ERBB4: variants seen among roughly 807,000 people sequenced by gnomAD.
The protein encoded by ERBB4 is erb-b2 receptor tyrosine kinase 4.
A neutral mutation model predicts 158.0 loss-of-function variants in ERBB4; 42 were observed. The observed-to-expected ratio is 0.27, with a 90% CI of 0.21 to 0.34. The LOEUF (loss-of-function observed/expected upper bound fraction) is 0.34. Ranked by LOEUF, ERBB4 falls within the 10% of genes least tolerant of loss-of-function variation. ERBB4 has a pLI of 1.00. For missense variants in ERBB4, 1,333 were observed against 1,624.1 expected, an observed-to-expected ratio of 0.82 and a Z score of 3.08; for synonymous variants, 583 against 558.7, an observed-to-expected ratio of 1.04 and a Z score of -0.61.
intron 1 of ERBB4, among the ~76,000 whole-genome samples, chr2:212,255,630 A>G (rs2084701434): frequency 6.6e-6 from 1 of 152,118 alleles, no homozygotes; most frequent in Non-Finnish European, 1.5e-5. Context: ...TATTTGCATT[A>G]TATACACTTA....
chr2:212,403,670 C>T (rs2091270108), intron 1 of ERBB4, among the ~76,000 whole-genome samples: 3 of 151,912 alleles, frequency 2.0e-5, no homozygotes, highest in South Asian at 4.1e-4. Context: ...ATATGAGATA[C>T]TAAAGTAATG....
chr2:211,767,096 G>A (rs984982276), intron 4 of ERBB4, among the ~76,000 whole-genome samples: 12 of 152,206 alleles, frequency 7.9e-5, no homozygotes, highest in East Asian at 1.9e-4. Context: ...CTCTGGAGTC[G>A]CTTGCTCAAG....
At chr2:212,364,939 T>G (rs934153640) in intron 1 of ERBB4, among the ~76,000 whole-genome samples, 3 of 148,310 alleles carry the variant, frequency 2.0e-5, no homozygotes, top group African/African-American at 7.5e-5. Flanking sequence ...GTGTGTGTGT[T>G]TATCAGACTG....
intron 2 of ERBB4, among the ~76,000 whole-genome samples, chr2:211,994,899 AG>A (rs147680746): frequency 0.043 from 6,475 of 152,306 alleles, 180 homozygotes; most frequent in Middle Eastern, 0.065. Context: ...GTTGTGCACA[AG>A]AACCTGAACA....
At chr2:211,797,162 T>G (rs1469042445) in intron 3 of ERBB4, among the ~76,000 whole-genome samples, 1 of 151,896 alleles carries the variant, frequency 6.6e-6, no homozygotes, top group African/African-American at 2.4e-5. Context: ...AAAGCCCTCA[T>G]TACAGACAAC....
At chr2:212,203,365 T>C (rs2082643583) in intron 1 of ERBB4, among the ~76,000 whole-genome samples, 1 of 151,970 alleles carries the variant, frequency 6.6e-6, no homozygotes, top group South Asian at 2.1e-4. Flanking sequence ...CCTGCCCTGA[T>C]AAAGAGACAT....
chr2:211,529,301 C>A (rs2066433193), intron 20 of ERBB4, among the ~76,000 whole-genome samples: 1 of 151,682 alleles, frequency 6.6e-6, no homozygotes, highest in African/African-American at 2.4e-5. Context: ...CGAGATTGAA[C>A]CATGAAGAAA....
chr2:211,630,461 CCT>C lies in ERBB4; in HGVS notation c.2078_2079del (p.Glu693ValfsTer24), dbSNP rs2070065942. The C allele has an allele frequency of 6.2e-7, 1 of 1,613,428 alleles. No homozygotes were observed. Among genetic ancestry groups the C allele is most frequent in the Admixed American group, 1.7e-5 (1 of 59,994 alleles). ...ATGAAGAGGAGAAAGAAATACCTCA[CCT>C]CTGTTTCCAAGAATCTTCTCAAGGC... ...KRALRRFLET[E>X]LVEPLTPSGT... On this transcript the variant is annotated frameshift_variant and splice_region_variant, in exon 17 of 28. Transcript: ENST00000342788. LOFTEE classifies it high-confidence loss of function.
chr2:211,928,498 A>C (rs1245409330), intron 3 of ERBB4, among the ~76,000 whole-genome samples: 3 of 152,194 alleles, frequency 2.0e-5, no homozygotes, highest in Non-Finnish European at 2.9e-5. Flanking sequence ...ACAGAGCAAC[A>C]TAAACTCTCC....
At chr2:212,138,287 A>G (rs1336219873) in intron 1 of ERBB4, among the ~76,000 whole-genome samples, 1 of 152,126 alleles carries the variant, frequency 6.6e-6, no homozygotes. Context: ...TGTGAGAAGA[A>G]ATTTCCTGGG....
intron 20 of ERBB4, among the ~76,000 whole-genome samples, chr2:211,544,404 G>A (rs1341318930): frequency 6.6e-6 from 1 of 151,962 alleles, no homozygotes; most frequent in African/African-American, 2.4e-5. Context: ...ATCTGAGTTT[G>A]CTGCCTTGCC....
intron 1 of ERBB4, among the ~76,000 whole-genome samples, chr2:212,337,281 G>A (rs762232776): frequency 7.9e-5 from 12 of 151,988 alleles, no homozygotes; most frequent in Non-Finnish European, 1.6e-4. Flanking sequence ...TTTAGCAAAC[G>A]AATTAGCTGT....
intron 21 of ERBB4, among the ~76,000 whole-genome samples, chr2:211,428,721 T>G (rs1354564574): frequency 6.6e-6 from 1 of 152,114 alleles, no homozygotes; most frequent in African/African-American, 2.4e-5. Flanking sequence ...TCATTTTTTA[T>G]TTTATTTATT....
At chr2:211,665,534 A>T (rs1027646851) in intron 14 of ERBB4, 57 bp from the exon 15 acceptor site, 10 of 1,547,696 alleles carry the variant, frequency 6.5e-6, no homozygotes, top group African/African-American at 1.4e-5. Context: ...TTTCCTCTGG[A>T]ATGTATTCAT....
At chr2:212,053,057 G>A (rs753895392) in intron 2 of ERBB4, among the ~76,000 whole-genome samples, 2 of 152,074 alleles carry the variant, frequency 1.3e-5, no homozygotes, top group Non-Finnish European at 2.9e-5. Flanking sequence ...GGTGGCTCAT[G>A]CCTAAAGCCC....
chr2:212,270,642 G>A (rs933430182), intron 1 of ERBB4, among the ~76,000 whole-genome samples: 2 of 151,700 alleles, frequency 1.3e-5, no homozygotes, highest in Non-Finnish European at 2.9e-5. Flanking sequence ...AACTTTCTAC[G>A]TTTTTTGGCC....
chr2:211,508,835 C>G (rs1439724731), intron 20 of ERBB4, among the ~76,000 whole-genome samples: 1 of 152,008 alleles, frequency 6.6e-6, no homozygotes, highest in Non-Finnish European at 1.5e-5. Flanking sequence ...GAGGCTGAGG[C>G]AGGAGAATGG....
chr2:211,643,698 G>T (rs926584931), intron 16 of ERBB4, among the ~76,000 whole-genome samples: 2 of 151,822 alleles, frequency 1.3e-5, no homozygotes, highest in Non-Finnish European at 2.9e-5. Flanking sequence ...CTACTCTTCT[G>T]GTCATTGACT....
At chr2:211,464,743 T>C (rs2064630556) in intron 20 of ERBB4, among the ~76,000 whole-genome samples, 1 of 152,080 alleles carries the variant, frequency 6.6e-6, no homozygotes, top group Admixed American at 6.6e-5. Context: ...AGCAAGTTTA[T>C]ACTCATCATC....
Sources: gnomAD v4.1 joint callset for allele counts (sites outside exome capture counted in the v4.1 genomes callset) on GRCh38, gnomAD v4.1.1 for gene constraint, MANE v1.5 for transcripts, NCBI Gene and HGNC (gene_info 2026-07-23, HGNC 2026-07-21) for gene names.